Variants in SUMF1 observed in about 807,000 individuals in gnomAD.
The protein encoded by SUMF1 is formylglycine-generating enzyme.
Under a neutral mutation model 47.6 loss-of-function variants are expected in SUMF1, and 48 were observed. The observed-to-expected ratio is 1.01, with a 90% CI of 0.80 to 1.28. The LOEUF (loss-of-function observed/expected upper bound fraction) is 1.28. Among genes scored for constraint, SUMF1 ranks in the 50% most tolerant of loss-of-function variants. The pLI is 0.00. For synonymous variants in SUMF1, 230 were observed against 192.1 expected (o/e 1.20, Z -1.63); for missense variants, 571 against 485.4 (o/e 1.18, Z -1.66).
At chr3:4,421,137 GT>G (rs1347438112) in intron 3 of SUMF1, among the ~76,000 whole-genome samples, 9 of 152,202 alleles carry the variant, frequency 5.9e-5, no homozygotes, top group African/African-American at 2.2e-4. Context: ...CATTTAGTGA[GT>G]GGTTTAGTTA....
chr3:4,387,504 A>T (rs973021654), intron 7 of SUMF1, among the ~76,000 whole-genome samples: 3 of 151,950 alleles, frequency 2.0e-5, no homozygotes, highest in African/African-American at 7.2e-5. Context: ...GACTTGCTAG[A>T]GGTTTGTCAA....
downstream of SUMF1, among the ~76,000 whole-genome samples, chr3:4,358,384 C>G (rs1056871251): frequency 1.3e-5 from 2 of 151,948 alleles, 1 homozygote; most frequent in South Asian, 4.2e-4. Flanking sequence ...AAAAACAAAA[C>G]AGTTTTTTAA....
chr3:4,264,886 C>T (rs577163121), intron 8 of SUMF1, among the ~76,000 whole-genome samples: 11 of 152,286 alleles, frequency 7.2e-5, no homozygotes, highest in African/African-American at 2.4e-4. Flanking sequence ...GTAATCCCAG[C>T]ACTTTGGCAG....
intron 1 of SUMF1, among the ~76,000 whole-genome samples, chr3:4,457,613 A>G (rs899089492): frequency 2.0e-5 from 3 of 152,218 alleles, no homozygotes; most frequent in Admixed American, 6.5e-5. Context: ...CTGATTTTCA[A>G]CAAAGGCACC....
chr3:4,199,428 G>C (rs1695495968), intron 8 of SUMF1, among the ~76,000 whole-genome samples: 1 of 152,114 alleles, frequency 6.6e-6, no homozygotes, highest in Admixed American at 6.6e-5. Flanking sequence ...TAAGTAAGAT[G>C]AACATTCAGA....
chr3:4,137,371 A>G (rs1377807161), intron 8 of SUMF1, among the ~76,000 whole-genome samples: 2 of 151,876 alleles, frequency 1.3e-5, no homozygotes, highest in Non-Finnish European at 2.9e-5. Context: ...CTATTGCAAG[A>G]ACAAAAAACC....
chr3:4,065,386 A>G (rs558409546), intron 9 of SUMF1, among the ~76,000 whole-genome samples: 1 of 152,150 alleles, frequency 6.6e-6, no homozygotes, highest in Non-Finnish European at 1.5e-5. Flanking sequence ...TAATTCAATG[A>G]GATTTGCATG....
At chr3:4,408,722 G>A (rs150800169) in intron 7 of SUMF1, among the ~76,000 whole-genome samples, 3,330 of 152,244 alleles carry the variant, frequency 0.022, 57 homozygotes, top group Non-Finnish European at 0.033. Flanking sequence ...TGTAATCCCA[G>A]AACTTTGGGG....
chr3:4,201,626 T>C (rs1032999550), intron 8 of SUMF1, among the ~76,000 whole-genome samples: 3 of 152,016 alleles, frequency 2.0e-5, no homozygotes, highest in Non-Finnish European at 2.9e-5. Flanking sequence ...ATTGCTTCAA[T>C]ACACTGATTT....
chr3:4,376,266 A>C (rs1464261722), intron 8 of SUMF1, 64 bp downstream of exon 8: 11 of 1,581,166 alleles, frequency 7.0e-6, no homozygotes, highest in Non-Finnish European at 9.6e-6. Context: ...GCTATCATTT[A>C]CAATGGATCC....
chr3:4,132,966 G>C (rs1266850752), intron 8 of SUMF1, among the ~76,000 whole-genome samples: 1 of 152,090 alleles, frequency 6.6e-6, no homozygotes, highest in Non-Finnish European at 1.5e-5. Context: ...AGGAATGAAG[G>C]TTAGGTTCAC....
At chr3:4,173,227 C>T (rs367754711) in intron 8 of SUMF1, among the ~76,000 whole-genome samples, 5 of 152,234 alleles carry the variant, frequency 3.3e-5, no homozygotes, top group African/African-American at 1.2e-4. Context: ...TCTTTTGGTA[C>T]CAGTACCACA....
At chr3:4,208,081 T>C (rs960066231) in intron 8 of SUMF1, among the ~76,000 whole-genome samples, 3 of 152,056 alleles carry the variant, frequency 2.0e-5, no homozygotes, top group Non-Finnish European at 2.9e-5. Context: ...GCCAGATCAC[T>C]CTCTTCTTAA....
intron 3 of SUMF1, among the ~76,000 whole-genome samples, chr3:4,437,715 G>C (rs1047578341): frequency 6.6e-5 from 10 of 152,148 alleles, no homozygotes; most frequent in African/African-American, 2.4e-4. Flanking sequence ...GAGGTAGGGG[G>C]ATCACTTGAG....
intron 8 of SUMF1, 63 bp from the exon 9 acceptor site, chr3:4,362,317 T>C: frequency 7.3e-7 from 1 of 1,364,630 alleles, no homozygotes; most frequent in Non-Finnish European, 1.0e-6. Context: ...CTCTAACCCA[T>C]CAGATGCATA....
chr3:4,432,713 G>A (rs767048603), intron 3 of SUMF1, among the ~76,000 whole-genome samples: 1 of 152,122 alleles, frequency 6.6e-6, no homozygotes. Flanking sequence ...TTGAATCGCA[G>A]TCCGTCATCA....
chr3:4,313,878 A>G, intron 8 of SUMF1: 1 of 1,524,840 alleles, frequency 6.6e-7, no homozygotes, highest in Non-Finnish European at 8.8e-7. Flanking sequence ...AGAGACTGCA[A>G]GTTGTCCATC....
At chr3:4,419,640 C>T (rs6782372) in intron 4 of SUMF1, among the ~76,000 whole-genome samples, 10,777 of 152,220 alleles carry the variant, frequency 0.071, 448 homozygotes, top group East Asian at 0.23. Flanking sequence ...CATGTGAATC[C>T]TATACCCAAG....
At chr3:4,136,684 A>C (rs1445777909) in intron 8 of SUMF1, among the ~76,000 whole-genome samples, 1 of 148,854 alleles carries the variant, frequency 6.7e-6, no homozygotes, top group East Asian at 2.0e-4. Flanking sequence ...GTGAACAGGC[A>C]ACCTACAACA....
Sources: allele counts gnomAD v4.1 joint callset (sites outside exome capture counted in the v4.1 genomes callset), GRCh38; gene constraint gnomAD v4.1.1; transcripts MANE v1.5; gene names NCBI Gene and HGNC (gene_info 2026-07-23, HGNC 2026-07-21).